The following TMEM132D variants were observed in gnomAD, a reference collection of about 807,000 sequenced individuals.
TMEM132D encodes the protein mature OL transmembrane protein.
In TMEM132D, 21 loss-of-function variants were observed where a neutral mutation model predicts 62.3. That is an observed-to-expected ratio of 0.34 (90% CI 0.24 to 0.49). TMEM132D has a LOEUF of 0.49. Ranked by LOEUF, TMEM132D falls within the 20% of genes least tolerant of loss-of-function variation. The pLI is 0.99. For synonymous variants in TMEM132D, 621 were observed against 575.6 expected (o/e 1.08, Z -1.13); for missense variants, 1,346 against 1,402.8 (o/e 0.96, Z 0.65).
At chr12:129,572,695 C>T (rs991849947) in intron 2 of TMEM132D, among the ~76,000 whole-genome samples, 10 of 151,958 alleles carry the variant, frequency 6.6e-5, no homozygotes, top group Admixed American at 2.6e-4. Context: ...ATGATCTGCC[C>T]GCCTCGGCTT....
intron 2 of TMEM132D, among the ~76,000 whole-genome samples, chr12:129,582,745 A>G (rs1402477986): frequency 1.3e-5 from 2 of 150,670 alleles, no homozygotes; most frequent in African/African-American, 4.9e-5. Flanking sequence ...CACCTTCCCA[A>G]GTAGCTGTGA....
chr12:129,566,181 C>T (rs1877361415), intron 2 of TMEM132D, among the ~76,000 whole-genome samples: 1 of 152,106 alleles, frequency 6.6e-6, no homozygotes, highest in South Asian at 2.1e-4. Flanking sequence ...GAAAAATGAA[C>T]AAAGTGAGCT....
chr12:129,647,243 G>GTTTTTTTTTTTTTT (rs57450911), intron 2 of TMEM132D, among the ~76,000 whole-genome samples: 2 of 117,594 alleles, frequency 1.7e-5, no homozygotes, highest in African/African-American at 3.3e-5. Flanking sequence ...TTGTTTTTCT[G>GTTTTTTTTTTTTTT]TTTTTTTTTT....
intron 4 of TMEM132D, among the ~76,000 whole-genome samples, chr12:129,244,400 A>G (rs1277323761): frequency 7.3e-6 from 1 of 136,290 alleles, no homozygotes; most frequent in African/African-American, 2.8e-5. Context: ...AAAAAAAAAA[A>G]AAAAAAAAAC....
intron 4 of TMEM132D, among the ~76,000 whole-genome samples, chr12:129,288,766 A>C (rs1049773800): frequency 1.3e-5 from 2 of 152,214 alleles, no homozygotes; most frequent in Admixed American, 6.5e-5. Context: ...GATCTGGGAG[A>C]GATACTAGCA....
chr12:129,477,399 A>G (rs968998913), intron 3 of TMEM132D, among the ~76,000 whole-genome samples: 3 of 152,202 alleles, frequency 2.0e-5, no homozygotes, highest in Non-Finnish European at 2.9e-5. Flanking sequence ...CAACGGCAAG[A>G]CCAATACACT....
Position 129,399,872 on chromosome 12 carries a change from T to TGG in TMEM132D, c.1116-62056_1116-62055insCC, listed in dbSNP as rs1196849630. On this transcript the variant is annotated intron_variant, in intron 3 of 8. Transcript: ENST00000422113. ...AGGGAAAGCAGTTTGGAAAGAGTTG[T>TGG]GTGTGTGCGTGTGTGTGTGTGTGGG... Among the ~76,000 whole-genome samples, 3 of 151,588 alleles carry TGG rather than the reference T, an allele frequency of 2.0e-5. No individual in the cohort carries two copies. The South Asian group carries it at 6.3e-4, about 32-fold the overall frequency.
At chr12:129,192,215 G>A (rs1280886501) in intron 5 of TMEM132D, among the ~76,000 whole-genome samples, 1 of 152,198 alleles carries the variant, frequency 6.6e-6, no homozygotes, top group Non-Finnish European at 1.5e-5. Flanking sequence ...CATCCTGGGT[G>A]ACTTGTCATG....
At position 129,582,111 on chromosome 12, in the gene TMEM132D, A is replaced by C. The variant is rs1468250389; in HGVS notation, c.969-50906T>G. Among the ~76,000 whole-genome samples, 3 of 152,182 alleles carry C rather than the reference A, an allele frequency of 2.0e-5. No homozygotes were observed. The East Asian group carries it at 5.8e-4, about 29-fold the overall frequency. ...GTTTTATTTCCCGTCTTGATGAAAC[A>C]CGTCTGCTTTTTACATTGTGTCAGA... On this transcript the variant is annotated intron_variant, in intron 2 of 8. Coordinates refer to ENST00000422113, the MANE Select transcript of TMEM132D (RefSeq NM_133448.3).
intron 3 of TMEM132D, among the ~76,000 whole-genome samples, chr12:129,359,854 G>A (rs1593350609): frequency 6.6e-6 from 1 of 151,978 alleles, no homozygotes; most frequent in Non-Finnish European, 1.5e-5. Context: ...AGTCACACAG[G>A]CACTGGAATA....
chr12:129,873,784 A>C (rs1349103545), intron 1 of TMEM132D, among the ~76,000 whole-genome samples: 2 of 152,234 alleles, frequency 1.3e-5, no homozygotes, highest in African/African-American at 4.8e-5. Flanking sequence ...CACAGAGAGA[A>C]CTAGAGAGGG....
intron 3 of TMEM132D, among the ~76,000 whole-genome samples, chr12:129,496,846 C>A (rs932211904): frequency 1.3e-5 from 2 of 152,154 alleles, no homozygotes; most frequent in Non-Finnish European, 2.9e-5. Context: ...ATTCATCCTC[C>A]GCCCTCTTTT....
intron 4 of TMEM132D, among the ~76,000 whole-genome samples, chr12:129,246,489 CT>C (rs1880117122): frequency 6.6e-6 from 1 of 152,174 alleles, no homozygotes; most frequent in African/African-American, 2.4e-5. Flanking sequence ...GACACAGTGG[CT>C]CACACCTGTA....
chr12:129,363,508 C>T (rs1181785916), intron 3 of TMEM132D, among the ~76,000 whole-genome samples: 2 of 152,182 alleles, frequency 1.3e-5, no homozygotes, highest in East Asian at 3.8e-4. Flanking sequence ...TCTCAACTCC[C>T]ATCTGATATG....
chr12:129,204,297 T>C (rs1593295071), intron 5 of TMEM132D, among the ~76,000 whole-genome samples: 1 of 152,198 alleles, frequency 6.6e-6, no homozygotes, highest in East Asian at 1.9e-4. Context: ...AATAAAATGA[T>C]AAAGGAACAA....
intron 1 of TMEM132D, among the ~76,000 whole-genome samples, chr12:129,895,357 C>T (rs1444713588): frequency 6.6e-6 from 1 of 152,226 alleles, no homozygotes; most frequent in East Asian, 1.9e-4. Context: ...TACTGCCACA[C>T]TCCCACCCCA....
At chr12:129,831,830 C>A (rs1872842355) in intron 1 of TMEM132D, among the ~76,000 whole-genome samples, 1 of 151,560 alleles carries the variant, frequency 6.6e-6, no homozygotes, top group Admixed American at 6.6e-5. Flanking sequence ...CAAATAAGCA[C>A]ACGTTGAAGC....
At chr12:129,229,342 T>A (rs1439077181) in intron 4 of TMEM132D, among the ~76,000 whole-genome samples, 1 of 152,254 alleles carries the variant, frequency 6.6e-6, no homozygotes, top group African/African-American at 2.4e-5. Context: ...CGGATGTTGA[T>A]AATGAAGGTT....
intron 3 of TMEM132D, among the ~76,000 whole-genome samples, chr12:129,496,467 A>T (rs12815816): frequency 0.23 from 35,483 of 152,092 alleles, 5,162 homozygotes; most frequent in Non-Finnish European, 0.33. Context: ...TAAGGGCTTA[A>T]GAAGATCATA....
Sources: allele counts gnomAD v4.1 joint callset (sites outside exome capture counted in the v4.1 genomes callset), GRCh38; gene constraint gnomAD v4.1.1; transcripts MANE v1.5; gene names NCBI Gene and HGNC (gene_info 2026-07-23, HGNC 2026-07-21).